The following TBC1D22A variants were observed in gnomAD, a reference collection of about 807,000 sequenced individuals.
TBC1D22A encodes TBC1 domain family member 22A.
Under a neutral mutation model 60.2 loss-of-function variants are expected in TBC1D22A, and 38 were observed. That is an observed-to-expected ratio of 0.63 (90% confidence interval 0.49 to 0.83). The LOEUF (loss-of-function observed/expected upper bound fraction) is 0.83. Among genes scored for constraint, TBC1D22A ranks in the 40% least tolerant of loss-of-function variants. The pLI is 0.00. For missense variants in TBC1D22A, 628 were observed against 701.0 expected (o/e 0.90, Z 1.18); for synonymous variants, 302 against 281.7 (o/e 1.07, Z -0.72).
chr22:47,001,451 GAAA>G (rs60259224), intron 10 of TBC1D22A, among the ~76,000 whole-genome samples: 4 of 104,976 alleles, frequency 3.8e-5, no homozygotes, highest in Admixed American at 2.0e-4. Context: ...TCTCAAAAAA[GAAA>G]AAAAAAAAAA....
chr22:47,142,506 G>GCATCCATCCACCTACC (rs1198476825), intron 12 of TBC1D22A, among the ~76,000 whole-genome samples: 12 of 45,968 alleles, frequency 2.6e-4, no homozygotes, highest in African/African-American at 1.2e-3. Flanking sequence ...CACCCACTAT[G>GCATCCATCCACCTACC]CATCCATCCA....
intron 8 of TBC1D22A, among the ~76,000 whole-genome samples, chr22:46,956,576 A>G (rs562839749): frequency 3.2e-4 from 49 of 152,318 alleles, no homozygotes; most frequent in African/African-American, 1.1e-3. Context: ...TCAGGGGTCA[A>G]CCTGGTCAGC....
At chr22:46,786,170 C>CAGG (rs375594049) in intron 1 of TBC1D22A, among the ~76,000 whole-genome samples, 2 of 152,282 alleles carry the variant, frequency 1.3e-5, no homozygotes, top group East Asian at 3.9e-4. Context: ...TATCCTTTAT[C>CAGG]AGGATGAAGA....
At chr22:46,975,001 A>G (rs1311615578) in intron 9 of TBC1D22A, among the ~76,000 whole-genome samples, 1 of 152,170 alleles carries the variant, frequency 6.6e-6, no homozygotes, top group East Asian at 1.9e-4. Context: ...GGCCAATCCT[A>G]TGGCATGGTG....
At chr22:47,029,197 C>T (rs1181586020) in intron 10 of TBC1D22A, among the ~76,000 whole-genome samples, 2 of 147,140 alleles carry the variant, frequency 1.4e-5, no homozygotes, top group African/African-American at 2.5e-5. Flanking sequence ...CCATGGGGCC[C>T]GGGGACACAG....
chr22:47,115,158 G>T (rs1246815491), intron 12 of TBC1D22A, among the ~76,000 whole-genome samples: 2 of 149,952 alleles, frequency 1.3e-5, no homozygotes, highest in Admixed American at 6.6e-5. Context: ...GCCCTGTCCT[G>T]AGCGCTGGGC....
intron 10 of TBC1D22A, among the ~76,000 whole-genome samples, chr22:46,998,904 C>G (rs2075214659): frequency 6.6e-6 from 1 of 152,266 alleles, no homozygotes; most frequent in Non-Finnish European, 1.5e-5. Flanking sequence ...ACCGCGCGGT[C>G]TTGTTTGGGT....
In TBC1D22A at chr22:46,997,726, C is replaced by T. The variant is rs369665218; in HGVS notation, c.1201+17C>T. On this transcript the variant is annotated intron_variant, in intron 10 of 12. Coordinates refer to ENST00000337137, the MANE Select transcript of TBC1D22A (RefSeq NM_014346.5). ...GGATTGATGGTAAGCCAGCTTCCCG[C>T]GCAGCCCCTCTCTGTGGGCGGGGGG... 2.9e-5 allele frequency: 47 copies of T among 1,612,916 alleles called. No individual in the cohort carries two copies. Among genetic ancestry groups the T allele is most frequent in the East Asian group, 1.1e-4 (5 of 44,890 alleles).
In TBC1D22A at chr22:46,950,146, C is replaced by T. The variant is rs116994256; in HGVS notation, c.1016-24144C>T. ...TGGAGTGATCGGTGGTGGCTTGGAG[C>T]AAGAGGGTGGTAATAGTGGCTGGAT... On this transcript the variant is annotated intron_variant, in intron 8 of 12. Transcript: ENST00000337137. Among the ~76,000 whole-genome samples the T allele has an allele frequency of 2.8e-4, 43 of 152,194 alleles. No homozygotes were observed. The East Asian group carries it at 7.3e-3, about 26-fold the overall frequency.
intron 8 of TBC1D22A, among the ~76,000 whole-genome samples, chr22:46,916,485 A>G (rs1420039836): frequency 1.3e-5 from 2 of 152,256 alleles, no homozygotes; most frequent in African/African-American, 2.4e-5. Flanking sequence ...CAGAGTCTGT[A>G]AATGCATGTT....
chr22:46,853,590 C>T (rs2087405441), intron 4 of TBC1D22A, among the ~76,000 whole-genome samples: 1 of 152,214 alleles, frequency 6.6e-6, no homozygotes, highest in Non-Finnish European at 1.5e-5. Flanking sequence ...TCTTAAAGTG[C>T]TGTTTCCCTT....
At chr22:47,087,521 C>A (rs1471918209) in intron 11 of TBC1D22A, among the ~76,000 whole-genome samples, 1 of 152,152 alleles carries the variant, frequency 6.6e-6, no homozygotes, top group Admixed American at 6.5e-5. Context: ...TGTACAGCCC[C>A]AGTAGGATAT....
At chr22:46,906,498 C>T (rs1030595648) in intron 7 of TBC1D22A, among the ~76,000 whole-genome samples, 9 of 152,234 alleles carry the variant, frequency 5.9e-5, no homozygotes, top group Non-Finnish European at 1.0e-4. Flanking sequence ...AGGAAAGACG[C>T]TCAGGCCTCC....
chr22:47,083,591 G>A (rs956231195), intron 11 of TBC1D22A, among the ~76,000 whole-genome samples: 2 of 152,192 alleles, frequency 1.3e-5, no homozygotes, highest in African/African-American at 2.4e-5. Flanking sequence ...TGCGTTGGGA[G>A]CAACTCCTGC....
At chr22:47,115,521 A>G (rs2066008467) in intron 12 of TBC1D22A, among the ~76,000 whole-genome samples, 2 of 152,144 alleles carry the variant, frequency 1.3e-5, no homozygotes, top group Non-Finnish European at 2.9e-5. Flanking sequence ...TGAAAGGAGC[A>G]TGCTTGTGTG....
Position 47,173,587 on chromosome 22 carries a change from G to C in TBC1D22A, c.1515G>C (p.Lys505Asn), listed in dbSNP as rs2068576426. ...SLLLAEAYRL[K>N]FAFADAPNHY... ...TGCTGGCCGAGGCCTACCGCCTCAA[G>C]TTTGCTTTTGCCGACGCCCCCAATC... Residue 505 changes from lysine (K) to asparagine (N), a missense_variant, in exon 13 of 13, where the codon AAG becomes AAC. Lys to Asn is a moderately conservative substitution (Grantham distance 94). Transcript: ENST00000337137. 6.2e-7 allele frequency: 1 copy of C among 1,614,126 alleles called. No homozygotes were observed. Among genetic ancestry groups the C allele is most frequent in the Non-Finnish European group, 8.5e-7 (1 of 1,180,012 alleles).
At chr22:46,939,858 G>T (rs150368694) in intron 8 of TBC1D22A, among the ~76,000 whole-genome samples, 2 of 152,338 alleles carry the variant, frequency 1.3e-5, no homozygotes, top group East Asian at 3.9e-4. Context: ...GACAAGAGGG[G>T]ACCTATGAGA....
At chr22:46,985,417 A>C (rs2074686005) in intron 9 of TBC1D22A, among the ~76,000 whole-genome samples, 1 of 152,208 alleles carries the variant, frequency 6.6e-6, no homozygotes, top group African/African-American at 2.4e-5. Context: ...ACTCCTGCCA[A>C]GATTTTAGAA....
chr22:47,091,564 G>A (rs1451985808), intron 11 of TBC1D22A, among the ~76,000 whole-genome samples: 1 of 149,680 alleles, frequency 6.7e-6, no homozygotes, highest in Non-Finnish European at 1.5e-5. Context: ...CCTTGCGGAG[G>A]GGGTGGCTGC....
Sources: gnomAD v4.1 joint callset for allele counts (sites outside exome capture counted in the v4.1 genomes callset) on GRCh38, gnomAD v4.1.1 for gene constraint, MANE v1.5 for transcripts, NCBI Gene and HGNC (gene_info 2026-07-23, HGNC 2026-07-21) for gene names.